Variants in KCNH7 observed in about 807,000 individuals in gnomAD.
KCNH7 encodes potassium voltage-gated channel subfamily H member 7.
Under a neutral mutation model 120.8 loss-of-function variants are expected in KCNH7, and 49 were observed. The observed-to-expected ratio is 0.41, with a 90% CI of 0.32 to 0.51. KCNH7 has a LOEUF of 0.51. KCNH7 is among the 20% of genes least tolerant of loss of function. The pLI, the probability that KCNH7 is intolerant of heterozygous loss-of-function variation, is 0.38. For synonymous variants in KCNH7, 547 were observed against 516.1 expected (o/e 1.06, Z -0.81); for missense variants, 1,097 against 1,446.6 (o/e 0.76, Z 3.92).
At chr2:162,608,062 A>G (rs1044588763) in intron 2 of KCNH7, among the ~76,000 whole-genome samples, 1 of 152,202 alleles carries the variant, frequency 6.6e-6, no homozygotes, top group African/African-American at 2.4e-5. Context: ...CTATTATGCT[A>G]GTTCCCAAAT....
intron 12 of KCNH7, among the ~76,000 whole-genome samples, chr2:162,386,365 T>A (rs1195948411): frequency 6.6e-6 from 1 of 151,920 alleles, no homozygotes; most frequent in African/African-American, 2.4e-5. Flanking sequence ...TAAAGCCCTC[T>A]GAAAATTTGA....
chr2:162,468,512 CTTTTT>C (rs1166606647), intron 6 of KCNH7, among the ~76,000 whole-genome samples: 26 of 78,906 alleles, frequency 3.3e-4, no homozygotes, highest in African/African-American at 1.5e-3. Context: ...TATTCTTTTC[CTTTTT>C]TTTTTTTTTT....
At chr2:162,540,361 T>TTTTAATAAAA (rs1433587873) in intron 2 of KCNH7, among the ~76,000 whole-genome samples, 2 of 152,072 alleles carry the variant, frequency 1.3e-5, no homozygotes, top group Non-Finnish European at 2.9e-5. Context: ...ACAGTGCTAA[T>TTTTAATAAAA]TTTAATAAAA....
At chr2:162,765,507 T>G (rs1402141228) in intron 2 of KCNH7, among the ~76,000 whole-genome samples, 2 of 152,190 alleles carry the variant, frequency 1.3e-5, no homozygotes, top group Non-Finnish European at 2.9e-5. Flanking sequence ...AAGGTTTTCT[T>G]CATAGGGACT....
At chr2:162,606,949 A>T (rs1485409809) in intron 2 of KCNH7, among the ~76,000 whole-genome samples, 1 of 152,220 alleles carries the variant, frequency 6.6e-6, no homozygotes, top group Non-Finnish European at 1.5e-5. Context: ...TTATGTTTAT[A>T]GTTGGGAATG....
chr2:162,746,667 A>T (rs1363290965), intron 2 of KCNH7, among the ~76,000 whole-genome samples: 1 of 152,192 alleles, frequency 6.6e-6, no homozygotes, highest in Non-Finnish European at 1.5e-5. Flanking sequence ...CAGATATGGA[A>T]ATTCAAAGTC....
chr2:162,545,535 C>T (rs1315005617), intron 2 of KCNH7, among the ~76,000 whole-genome samples: 1 of 152,268 alleles, frequency 6.6e-6, no homozygotes, highest in African/African-American at 2.4e-5. Flanking sequence ...GCCACTGTCA[C>T]CTATTTGATA....
chr2:162,603,246 T>C (rs1694620174), intron 2 of KCNH7, among the ~76,000 whole-genome samples: 1 of 151,944 alleles, frequency 6.6e-6, no homozygotes, highest in African/African-American at 2.4e-5. Context: ...CCTTGAGATA[T>C]ATAGATTGCA....
At chr2:162,554,132 T>G (rs1171562780) in intron 2 of KCNH7, among the ~76,000 whole-genome samples, 1 of 152,206 alleles carries the variant, frequency 6.6e-6, no homozygotes, top group East Asian at 1.9e-4. Flanking sequence ...AACTGTTAGT[T>G]GAGGCCCATT....
At chr2:162,700,651 T>C (rs1372944391) in intron 2 of KCNH7, among the ~76,000 whole-genome samples, 1 of 152,192 alleles carries the variant, frequency 6.6e-6, no homozygotes, top group Non-Finnish European at 1.5e-5. Context: ...ATTTGAAAAA[T>C]AAAGATCATT....
chr2:162,777,273 C>T (rs915094471), intron 2 of KCNH7, among the ~76,000 whole-genome samples: 14 of 152,122 alleles, frequency 9.2e-5, no homozygotes, highest in African/African-American at 3.4e-4. Context: ...ATGACCTAGG[C>T]ATATCCTGCT....
chr2:162,676,061 G>A (rs1440077943), intron 2 of KCNH7, among the ~76,000 whole-genome samples: 1 of 151,428 alleles, frequency 6.6e-6, no homozygotes, highest in Non-Finnish European at 1.5e-5. Context: ...AGGCAGTGCT[G>A]AACCTTCCTG....
intron 2 of KCNH7, among the ~76,000 whole-genome samples, chr2:162,681,722 C>T (rs1482777223): frequency 1.3e-5 from 2 of 151,082 alleles, no homozygotes; most frequent in African/African-American, 4.9e-5. Flanking sequence ...ATGTTGGCTA[C>T]AAGCATAACA....
intron 6 of KCNH7, among the ~76,000 whole-genome samples, chr2:162,487,248 GA>G (rs367729701): frequency 7.9e-5 from 12 of 152,236 alleles, no homozygotes; most frequent in African/African-American, 2.9e-4. Flanking sequence ...GAAATCTACA[GA>G]AAGAGACATA....
chr2:162,412,010 A>T (rs1023898942), intron 9 of KCNH7, among the ~76,000 whole-genome samples: 1 of 152,024 alleles, frequency 6.6e-6, no homozygotes, highest in Non-Finnish European at 1.5e-5. Context: ...AATGAGGTCA[A>T]ATTGAACCAA....
chr2:162,473,022 G>C (rs1292156234), intron 6 of KCNH7, among the ~76,000 whole-genome samples: 2 of 152,012 alleles, frequency 1.3e-5, no homozygotes, highest in Non-Finnish European at 2.9e-5. Context: ...ATTGAACAAT[G>C]AGAACACTTG....
chr2:162,807,256 C>CAAAAAAAAAAAAAAAAAAA (rs745345993), intron 2 of KCNH7, among the ~76,000 whole-genome samples: 2 of 15,628 alleles, frequency 1.3e-4, no homozygotes, highest in Non-Finnish European at 3.4e-4. Flanking sequence ...ACTAAAAATA[C>CAAAAAAAAAAAAAAAAAAA]AAAAAAAAAA....
chr2:162,719,256 T>C (rs796308586), intron 2 of KCNH7, among the ~76,000 whole-genome samples: 5 of 152,178 alleles, frequency 3.3e-5, no homozygotes, highest in African/African-American at 1.2e-4. Context: ...ACAGTGAATA[T>C]CTATACTTAA....
intron 6 of KCNH7, among the ~76,000 whole-genome samples, chr2:162,458,953 G>A (rs1689062180): frequency 6.6e-6 from 1 of 151,086 alleles, no homozygotes. Context: ...GCTGCAGTGA[G>A]CCAAGATTGC....
Sources: gnomAD v4.1 joint callset for allele counts (sites outside exome capture counted in the v4.1 genomes callset) on GRCh38, gnomAD v4.1.1 for gene constraint, MANE v1.5 for transcripts, NCBI Gene and HGNC (gene_info 2026-07-23, HGNC 2026-07-21) for gene names.